The following SPAG16 variants were observed in gnomAD, a reference collection of about 807,000 sequenced individuals.
SPAG16 encodes sperm associated antigen 16.
A neutral mutation model predicts 80.4 loss-of-function variants in SPAG16; 86 were observed. That is an observed-to-expected ratio of 1.07 (90% confidence interval 0.90 to 1.28). SPAG16 has a LOEUF of 1.28. Among genes scored for constraint, SPAG16 ranks in the 50% most tolerant of loss-of-function variants. The pLI is 0.00. For synonymous variants in SPAG16, 294 were observed against 265.9 expected (o/e 1.11, Z -1.03); for missense variants, 870 against 765.3 (o/e 1.14, Z -1.61).
At chr2:213,407,920 C>G (rs181737798) in intron 9 of SPAG16, among the ~76,000 whole-genome samples, 18 of 73,428 alleles carry the variant, frequency 2.5e-4, no homozygotes, top group East Asian at 3.8e-4. Flanking sequence ...GAGAGAGAGA[C>G]AGGAGAGAGA....
intron 13 of SPAG16, among the ~76,000 whole-genome samples, chr2:214,019,312 C>T (rs1472929441): frequency 6.6e-6 from 1 of 151,582 alleles, no homozygotes; most frequent in African/African-American, 2.4e-5. Flanking sequence ...TTTCAATATA[C>T]AGTAAAACAC....
intron 15 of SPAG16, among the ~76,000 whole-genome samples, chr2:214,246,887 T>G (rs1214672774): frequency 6.6e-6 from 1 of 152,192 alleles, no homozygotes; most frequent in African/African-American, 2.4e-5. Context: ...AAATATAACC[T>G]TTCTAATTGA....
chr2:213,913,626 C>CAT (rs2077800629), intron 11 of SPAG16, among the ~76,000 whole-genome samples: 2 of 10,092 alleles, frequency 2.0e-4, no homozygotes, highest in African/African-American at 3.0e-4. Flanking sequence ...TGTATATGTA[C>CAT]ATGTACATAT....
At chr2:213,917,099 A>C (rs902837226) in intron 11 of SPAG16, among the ~76,000 whole-genome samples, 1 of 152,024 alleles carries the variant, frequency 6.6e-6, no homozygotes, top group Non-Finnish European at 1.5e-5. Context: ...CATGTGTGGC[A>C]TTATTTCTGG....
intron 10 of SPAG16, among the ~76,000 whole-genome samples, chr2:213,860,926 C>T (rs191916917): frequency 2.0e-5 from 3 of 152,242 alleles, no homozygotes; most frequent in African/African-American, 7.2e-5. Context: ...TATTTGAATA[C>T]AGAATTCATT....
At chr2:213,870,016 T>C (rs912901241) in intron 11 of SPAG16, among the ~76,000 whole-genome samples, 5 of 152,192 alleles carry the variant, frequency 3.3e-5, no homozygotes, top group Non-Finnish European at 7.4e-5. Context: ...GCAATTATAA[T>C]GCTATGTATA....
chr2:213,482,362 A>G (rs2073788254), intron 9 of SPAG16, among the ~76,000 whole-genome samples: 1 of 152,214 alleles, frequency 6.6e-6, no homozygotes, highest in African/African-American at 2.4e-5. Context: ...ACATTTGTAA[A>G]TAACTCTAAA....
intron 10 of SPAG16, among the ~76,000 whole-genome samples, chr2:213,630,534 T>C (rs1229793378): frequency 6.6e-6 from 1 of 152,178 alleles, no homozygotes; most frequent in Non-Finnish European, 1.5e-5. Flanking sequence ...TGGGATATAA[T>C]GTAAAAACAC....
chr2:213,548,373 C>T (rs1259138399), intron 10 of SPAG16, among the ~76,000 whole-genome samples: 2 of 152,022 alleles, frequency 1.3e-5, no homozygotes, highest in Admixed American at 6.6e-5. Context: ...CCACCATGCC[C>T]GGCTAATTTT....
intron 10 of SPAG16, among the ~76,000 whole-genome samples, chr2:213,554,289 C>T (rs2059355571): frequency 6.6e-6 from 1 of 152,196 alleles, no homozygotes; most frequent in Non-Finnish European, 1.5e-5. Flanking sequence ...CACAGCAGCA[C>T]AGAGACTACA....
intron 15 of SPAG16, among the ~76,000 whole-genome samples, chr2:214,179,173 C>G (rs1005786802): frequency 2.6e-5 from 4 of 151,392 alleles, no homozygotes; most frequent in African/African-American, 9.7e-5. Flanking sequence ...TTGTTTTTCA[C>G]CATTTGCCAA....
chr2:213,338,368 T>G (rs1484146858), intron 5 of SPAG16, among the ~76,000 whole-genome samples: 2 of 152,152 alleles, frequency 1.3e-5, no homozygotes, highest in African/African-American at 4.8e-5. Context: ...ACATAAAATA[T>G]TAACCTTAAA....
chr2:214,408,133 A>G (rs1200908290), intron 15 of SPAG16, among the ~76,000 whole-genome samples: 1 of 152,202 alleles, frequency 6.6e-6, no homozygotes, highest in Non-Finnish European at 1.5e-5. Flanking sequence ...ACTTTCAGAA[A>G]TTACCAGAGC....
chr2:214,207,052 T>C (rs1427290686), intron 15 of SPAG16, among the ~76,000 whole-genome samples: 2 of 152,202 alleles, frequency 1.3e-5, no homozygotes, highest in East Asian at 3.9e-4. Context: ...AAAGAGGTAG[T>C]TTCTTTAGAA....
intron 10 of SPAG16, among the ~76,000 whole-genome samples, chr2:213,768,311 A>G (rs768211236): frequency 6.6e-6 from 1 of 152,210 alleles, no homozygotes; most frequent in South Asian, 2.1e-4. Context: ...AAACAGGGCA[A>G]TGACATAATC....
At position 213,562,938 on chromosome 2, in the gene SPAG16, G is replaced by T. The variant is rs1311911065; in HGVS notation, c.1070+72848G>T. On this transcript the variant is annotated intron_variant, in intron 10 of 15. Coordinates refer to ENST00000331683, the MANE Select transcript of SPAG16 (RefSeq NM_024532.5). ...CACTAATACCATTCATGAGGGCTCT[G>T]CCCTCATCTAAACACCGCCTAAAGG... 5.3e-5 allele frequency among the ~76,000 whole-genome samples: 8 copies of T among 152,294 alleles called. No individual in the cohort carries two copies. In the East Asian group the frequency reaches 1.5e-3, roughly 29 times the overall value.
chr2:213,614,330 A>T (rs1015224826), intron 10 of SPAG16, among the ~76,000 whole-genome samples: 4 of 152,210 alleles, frequency 2.6e-5, no homozygotes, highest in African/African-American at 9.7e-5. Context: ...GATACATGAT[A>T]TATCTTTTTA....
chr2:214,123,460 A>G (rs1052165754), intron 14 of SPAG16, among the ~76,000 whole-genome samples: 9 of 152,052 alleles, frequency 5.9e-5, no homozygotes, highest in African/African-American at 1.9e-4. Flanking sequence ...ACCTTTTGGC[A>G]TATATGAAAA....
At chr2:213,795,901 A>G (rs997785276) in intron 10 of SPAG16, among the ~76,000 whole-genome samples, 1 of 152,210 alleles carries the variant, frequency 6.6e-6, no homozygotes, top group African/African-American at 2.4e-5. Flanking sequence ...CTGCAGAACC[A>G]TGAGCCAGAT....
Sources: gnomAD v4.1 joint callset for allele counts (sites outside exome capture counted in the v4.1 genomes callset) on GRCh38, gnomAD v4.1.1 for gene constraint, MANE v1.5 for transcripts, NCBI Gene and HGNC (gene_info 2026-07-23, HGNC 2026-07-21) for gene names.